FRMPD4: variants seen among roughly 807,000 people sequenced by gnomAD.
The protein encoded by FRMPD4 is FERM and PDZ domain-containing protein 4.
A neutral mutation model predicts 94.1 loss-of-function variants in FRMPD4; 22 were observed. That is an observed-to-expected ratio of 0.23 (90% confidence interval 0.17 to 0.33). The LOEUF (loss-of-function observed/expected upper bound fraction) is 0.33. Ranked by LOEUF, FRMPD4 falls within the 10% of genes least tolerant of loss-of-function variation. FRMPD4 has a pLI of 1.00. For missense variants in FRMPD4, 1,111 were observed against 1,339.9 expected (o/e 0.83, Z 2.67); for synonymous variants, 631 against 548.6 (o/e 1.15, Z -2.10).
At chrX:12,010,681 T>C (rs1243318689) in intron 3 of FRMPD4, among the ~76,000 whole-genome samples, 6 of 112,708 alleles carry the variant, frequency 5.3e-5, no homozygotes, top group African/African-American at 9.7e-5. Flanking sequence ...TGCTGCAGTT[T>C]GCCCATCCTG....
intron 9 of FRMPD4, among the ~76,000 whole-genome samples, chrX:12,696,586 CA>C (rs57877846): frequency 0.089 from 2,685 of 30,014 alleles, 143 homozygotes; most frequent in African/African-American, 0.23. Flanking sequence ...AAAAATGAAG[CA>C]AAAAAAAAAA....
intron 4 of FRMPD4, among the ~76,000 whole-genome samples, chrX:12,632,013 G>A (rs1381616818): frequency 1.8e-5 from 2 of 111,727 alleles, no homozygotes; most frequent in African/African-American, 6.5e-5. Flanking sequence ...TCAATAACCT[G>A]TATTTCCCCT....
chrX:11,971,324 T>C (rs2054339100), intron 3 of FRMPD4, among the ~76,000 whole-genome samples: 1 of 112,884 alleles, frequency 8.9e-6, no homozygotes, highest in African/African-American at 3.2e-5. Context: ...TATTTGATTA[T>C]TATTTCGTTA....
intron 1 of FRMPD4, among the ~76,000 whole-genome samples, chrX:12,417,775 C>T (rs2056824905): frequency 1.9e-5 from 2 of 107,330 alleles, no homozygotes; most frequent in African/African-American, 6.8e-5. Context: ...TTTGGGAGGC[C>T]GAGGCGGGCG....
At chrX:12,610,651 G>A (rs772479180) in intron 3 of FRMPD4, among the ~76,000 whole-genome samples, 1 of 110,439 alleles carries the variant, frequency 9.1e-6, no homozygotes, top group African/African-American at 3.3e-5. Flanking sequence ...GGGAGACTGA[G>A]GCATGAGAAT....
intron 3 of FRMPD4, among the ~76,000 whole-genome samples, chrX:11,886,099 C>T (rs1327408465): frequency 9.0e-6 from 1 of 111,594 alleles, no homozygotes; most frequent in Non-Finnish European, 1.9e-5. Context: ...ATGCTTTATT[C>T]TGCAGGGCTG....
intron 1 of FRMPD4, among the ~76,000 whole-genome samples, chrX:11,858,797 C>T (rs1228440449): frequency 9.0e-6 from 1 of 111,472 alleles, no homozygotes; most frequent in African/African-American, 3.2e-5. Flanking sequence ...TAAAAGAATG[C>T]TTACTATGAA....
chrX:12,163,156 G>T (rs1569175312), intron 1 of FRMPD4, among the ~76,000 whole-genome samples: 1 of 110,705 alleles, frequency 9.0e-6, no homozygotes, highest in Non-Finnish European at 1.9e-5. Flanking sequence ...GAGCCATTAG[G>T]TTCCAATTAG....
rs141310337 is a variant in FRMPD4 at position 11,965,429 on chromosome X, A to G, written c.95+87411A>G. On this transcript the variant is annotated intron_variant, in intron 3 of 18. Coordinates refer to the FRMPD4 transcript ENST00000640291. Reference sequence around the variant, plus strand: ...TTAGTTTGCATTCCAGAATAATTTTATTAAGTGGATTTTAATAGAAATATG... The same window carrying G: ...TTAGTTTGCATTCCAGAATAATTTTGTTAAGTGGATTTTAATAGAAATATG... Among the ~76,000 whole-genome samples the G allele has an allele frequency of 3.6e-4, 41 of 112,377 alleles. No individual in the cohort carries two copies. The East Asian group carries it at 0.01, about 28-fold the overall frequency.
chrX:12,158,368 A>G (rs1452226650), intron 1 of FRMPD4, among the ~76,000 whole-genome samples: 2 of 111,845 alleles, frequency 1.8e-5, no homozygotes, highest in Non-Finnish European at 3.8e-5. Flanking sequence ...CCTTGTCCAA[A>G]CTTCTGTCCT....
rs1339078580 is a variant in FRMPD4 at position 12,701,899 on chromosome X, G to A, written c.959G>A (p.Arg320Gln). 1 of 1,210,392 alleles carries A rather than the reference G, an allele frequency of 8.3e-7. No individual in the cohort carries two copies. The highest frequency in any genetic ancestry group is 1.7e-5 in the African/African-American group (1 of 57,543). The change falls in exon 10 of 17, where the codon CGA becomes CAA. Residue 320 changes from arginine to glutamine, a missense_variant. Coordinates refer to ENST00000675598, the MANE Select transcript of FRMPD4 (RefSeq NM_001368397.1). ...VQSCNDVVQE[R>Q]FGPELKYDIA... ...AGTTGTAACGATGTGGTTCAGGAGC[G>A]ATTTGGGCCGGAGCTGAAATATGAC...
At chrX:12,446,235 A>ATAAT (rs765524100) in intron 1 of FRMPD4, among the ~76,000 whole-genome samples, 1 of 112,580 alleles carries the variant, frequency 8.9e-6, no homozygotes, top group Non-Finnish European at 1.9e-5. Context: ...AAAACAATCA[A>ATAAT]TAATGAACAG....
intron 1 of FRMPD4, among the ~76,000 whole-genome samples, chrX:12,193,814 G>A (rs866737637): frequency 0.16 from 3,796 of 23,187 alleles, 811 homozygotes; most frequent in African/African-American, 0.3. Flanking sequence ...AAGGAAGGAA[G>A]GAAGGAAGGA....
At chrX:12,045,645 G>T (rs2054781282) in intron 3 of FRMPD4, among the ~76,000 whole-genome samples, 1 of 110,978 alleles carries the variant, frequency 9.0e-6, no homozygotes, top group African/African-American at 3.3e-5. Context: ...GGCTAGTATG[G>T]GGATTATTTT....
In FRMPD4 at chrX:12,241,350, T is replaced by C. The variant is rs2057127528; in HGVS notation, c.41+102338T>C. On this transcript the variant is annotated intron_variant, in intron 1 of 16. Transcript: ENST00000675598. ...GGAAGAGTCACAGTTGCATGGAAAA[T>C]GGAAGGTAGAGAAGTGGCAAAGTGT... is the stretch of plus-strand genomic sequence containing the variant. Among the ~76,000 whole-genome samples, 4 of 112,102 alleles carry C rather than the reference T, an allele frequency of 3.6e-5. No individual in the cohort carries two copies. In the South Asian group the frequency reaches 1.5e-3, roughly 42 times the overall value.
At position 11,849,927 on chromosome X, in the gene FRMPD4, C is replaced by T. The variant is rs768824471; in HGVS notation, c.-160-15159C>T. 8.1e-5 allele frequency among the ~76,000 whole-genome samples: 9 copies of T among 111,354 alleles called. No individual in the cohort carries two copies. In the East Asian group the frequency reaches 8.4e-4, roughly 10 times the overall value. ...GGCAACAAAATAAAAATAGATAAACCGGATTATGTCAAAATTTAAAACATC... is the reference window on the plus strand; with the variant it reads ...GGCAACAAAATAAAAATAGATAAACTGGATTATGTCAAAATTTAAAACATC... On this transcript the variant is annotated intron_variant, in intron 1 of 18. Coordinates refer to the FRMPD4 transcript ENST00000640291.
At chrX:12,273,785 G>T (rs2054389224) in intron 1 of FRMPD4, among the ~76,000 whole-genome samples, 1 of 112,421 alleles carries the variant, frequency 8.9e-6, no homozygotes, top group Admixed American at 9.4e-5. Flanking sequence ...ACTTTGGAAA[G>T]ATTTTTCTCA....
chrX:12,028,633 G>C (rs6639129), intron 3 of FRMPD4, among the ~76,000 whole-genome samples: 13,539 of 109,973 alleles, frequency 0.12, 927 homozygotes, highest in East Asian at 0.24. Flanking sequence ...TGTGTTCTAC[G>C]TATTCATCTC....
intron 2 of FRMPD4, chrX:12,583,598 C>G: frequency 1.7e-6 from 1 of 576,492 alleles, no homozygotes; most frequent in Non-Finnish European, 2.7e-6. Context: ...AGCCTCAGTG[C>G]TGGTAAAGCC....
Sources: gnomAD v4.1 joint callset for allele counts (sites outside exome capture counted in the v4.1 genomes callset) on GRCh38, gnomAD v4.1.1 for gene constraint, MANE v1.5 for transcripts, NCBI Gene and HGNC (gene_info 2026-07-23, HGNC 2026-07-21) for gene names.